TRIM2: variants seen among roughly 807,000 people sequenced by gnomAD.
TRIM2 encodes tripartite motif-containing protein 2.
In TRIM2, 20 loss-of-function variants were observed where a neutral mutation model predicts 75.2. The observed-to-expected ratio is 0.27, with a 90% CI of 0.19 to 0.39. The LOEUF (loss-of-function observed/expected upper bound fraction) is 0.39. TRIM2 is among the 10% of genes least tolerant of loss of function. The probability of loss-of-function intolerance (pLI) is 1.00; values close to 1 mark genes in which losing one functional copy is unlikely to be tolerated. For synonymous variants in TRIM2, 373 were observed against 388.3 expected, an observed-to-expected ratio of 0.96 and a Z score of 0.46; for missense variants, 660 against 990.8, an observed-to-expected ratio of 0.67 and a Z score of 4.48.
intron 6 of TRIM2, among the ~76,000 whole-genome samples, chr4:153,311,522 C>G (rs1417758425): frequency 6.6e-6 from 1 of 151,970 alleles, no homozygotes; most frequent in Non-Finnish European, 1.5e-5. Flanking sequence ...TGTTCAGGTG[C>G]TTTTTAGCCC....
At chr4:153,332,884 A>G (rs953095689) in intron 11 of TRIM2, among the ~76,000 whole-genome samples, 1 of 151,950 alleles carries the variant, frequency 6.6e-6, no homozygotes. Flanking sequence ...ATGCAAAACT[A>G]CACAGTCAGC....
At chr4:153,271,922 G>C (rs533785052) in intron 2 of TRIM2, among the ~76,000 whole-genome samples, 42 of 152,234 alleles carry the variant, frequency 2.8e-4, no homozygotes, top group African/African-American at 9.6e-4. Flanking sequence ...CCTATCTATT[G>C]TTTGGGTCCT....
At chr4:153,170,761 G>C (rs1327455060) in intron 1 of TRIM2, among the ~76,000 whole-genome samples, 1 of 152,108 alleles carries the variant, frequency 6.6e-6, no homozygotes, top group African/African-American at 2.4e-5. Flanking sequence ...AAAAACAGCT[G>C]TCCCTTTGCT....
intron 1 of TRIM2, chr4:153,222,824 A>C (rs1227488999): frequency 1.3e-5 from 2 of 152,580 alleles, no homozygotes; most frequent in African/African-American, 4.8e-5. Context: ...TTTCACCTTC[A>C]GATCGCCTGA....
At chr4:153,204,645 T>C in intron 1 of TRIM2, 85 bp downstream of exon 1, 1 of 1,507,762 alleles carries the variant, frequency 6.6e-7, no homozygotes, top group Non-Finnish European at 9.0e-7. Context: ...TGTGATTGGG[T>C]TGCTACTTTT....
intron 1 of TRIM2, among the ~76,000 whole-genome samples, chr4:153,197,161 T>C (rs6843103): frequency 0.37 from 56,037 of 152,122 alleles, 10,535 homozygotes; most frequent in Non-Finnish European, 0.4. Flanking sequence ...CAAAGAAATA[T>C]GAAGAAATTA....
intron 1 of TRIM2, among the ~76,000 whole-genome samples, chr4:153,246,440 G>A (rs1202377087): frequency 6.6e-6 from 1 of 152,082 alleles, no homozygotes; most frequent in African/African-American, 2.4e-5. Context: ...CTGAAGTAGA[G>A]GCCACAGATA....
chr4:153,258,778 CA>C (rs1205363106), intron 1 of TRIM2, among the ~76,000 whole-genome samples: 3 of 152,134 alleles, frequency 2.0e-5, no homozygotes, highest in Admixed American at 1.3e-4. Context: ...TAAGGAGAGC[CA>C]TTTGTTCATG....
upstream of TRIM2, among the ~76,000 whole-genome samples, chr4:153,200,541 G>A (rs1734226228): frequency 1.3e-5 from 2 of 151,916 alleles, no homozygotes; most frequent in South Asian, 4.2e-4. Flanking sequence ...ATTGTTTTGG[G>A]TATCTATCCA....
chr4:153,252,112 T>C (rs1225834745), intron 1 of TRIM2, among the ~76,000 whole-genome samples: 1 of 152,228 alleles, frequency 6.6e-6, no homozygotes, highest in Non-Finnish European at 1.5e-5. Context: ...TCTCCCTATC[T>C]GCCTCCTCCA....
At chr4:153,259,373 C>T (rs992566667) in intron 1 of TRIM2, among the ~76,000 whole-genome samples, 1 of 152,142 alleles carries the variant, frequency 6.6e-6, no homozygotes, top group Non-Finnish European at 1.5e-5. Flanking sequence ...TTTCTCCATA[C>T]TTAGGGCTTT....
At chr4:153,245,318 A>G (rs907084431) in intron 1 of TRIM2, among the ~76,000 whole-genome samples, 1 of 152,228 alleles carries the variant, frequency 6.6e-6, no homozygotes, top group Non-Finnish European at 1.5e-5. Context: ...TTGGTTTATA[A>G]TGTTGTTAGT....
At position 153,338,254 on chromosome 4, in the gene TRIM2, C is replaced by G. The variant is rs892193275; in HGVS notation, c.*3288C>G. The stretch of plus-strand genomic sequence containing the variant: ...AACAGAAATGCTTTGGTAATACCTA[C>G]TTAGTTAATTGGAGGAAGTAGTAAA... On this transcript the variant is annotated 3_prime_UTR_variant, in exon 12 of 12. Coordinates refer to ENST00000338700, the MANE Select transcript of TRIM2 (RefSeq NM_015271.5). 7 of 985,784 alleles carry G rather than the reference C, an allele frequency of 7.1e-6. No homozygotes were observed. The highest frequency in any genetic ancestry group is 8.4e-6 in the Non-Finnish European group (7 of 829,914). 61.1% of individuals were successfully genotyped at this position (985,784 alleles called of 1,614,324 possible).
chr4:153,262,633 C>A (rs1389525577), intron 1 of TRIM2, among the ~76,000 whole-genome samples: 2 of 152,186 alleles, frequency 1.3e-5, no homozygotes, highest in Admixed American at 1.3e-4. Flanking sequence ...CCTGTGGCTA[C>A]ATGGCTCCTT....
intron 6 of TRIM2, among the ~76,000 whole-genome samples, chr4:153,300,432 G>T (rs760383418): frequency 2.0e-5 from 3 of 151,998 alleles, no homozygotes; most frequent in African/African-American, 7.3e-5. Flanking sequence ...GATATGTGCC[G>T]CCATACCTGA....
chr4:153,261,968 G>A (rs1204980199), intron 1 of TRIM2, among the ~76,000 whole-genome samples: 2 of 152,156 alleles, frequency 1.3e-5, no homozygotes, highest in Admixed American at 1.3e-4. Context: ...GGGAAGAAAC[G>A]CTGGAGCTGG....
chr4:153,172,332 C>T (rs1217227533), intron 1 of TRIM2, among the ~76,000 whole-genome samples: 1 of 152,064 alleles, frequency 6.6e-6, no homozygotes, highest in Non-Finnish European at 1.5e-5. Context: ...GGACTACAGG[C>T]GCCCGCCACC....
At chr4:153,162,579 C>A (rs745347430) in intron 1 of TRIM2, among the ~76,000 whole-genome samples, 92 of 152,310 alleles carry the variant, frequency 6.0e-4, no homozygotes, top group Non-Finnish European at 1.1e-3. Context: ...GGCAAAAAGA[C>A]CCCCATAGAA....
intron 1 of TRIM2, among the ~76,000 whole-genome samples, chr4:153,176,411 C>T (rs541283377): frequency 2.0e-5 from 3 of 151,806 alleles, no homozygotes; most frequent in Non-Finnish European, 4.4e-5. Flanking sequence ...TCTGGTTAAA[C>T]TACTGCACTC....
Sources: allele counts gnomAD v4.1 joint callset (sites outside exome capture counted in the v4.1 genomes callset), GRCh38; gene constraint gnomAD v4.1.1; transcripts MANE v1.5; gene names NCBI Gene and HGNC (gene_info 2026-07-23, HGNC 2026-07-21).